KCNC3: variants seen among roughly 807,000 people sequenced by gnomAD.
KCNC3 encodes the protein voltage-gated potassium channel KCNC3.
KCNC3 carries 22 observed loss-of-function variants against 43.9 expected under a neutral mutation model. The observed-to-expected ratio is 0.50, with a 90% CI of 0.36 to 0.72. The LOEUF (loss-of-function observed/expected upper bound fraction) is 0.72, where lower values mean the gene tolerates loss of function less well. Ranked by LOEUF, KCNC3 falls within the 30% of genes least tolerant of loss-of-function variation. The pLI is 0.00. For synonymous variants in KCNC3, 492 were observed against 488.0 expected (o/e 1.01, Z -0.11); for missense variants, 829 against 1,073.8 (o/e 0.77, Z 3.19).
rs1568574175 is a variant in KCNC3, at chr19:50,329,126, GA to G, written c.-45del. Reference sequence around the variant, plus strand: ...GGAGGGGCGGGGACGCAGGGGCGGGGACACGGGGGGAGAGACCGACGGGATT... The same window carrying G: ...GGAGGGGCGGGGACGCAGGGGCGGGGCACGGGGGGAGAGACCGACGGGATT... On this transcript the variant is annotated 5_prime_UTR_variant, in exon 1 of 5. Transcript: ENST00000477616. 6.9e-6 allele frequency: 1 copy of G among 143,942 alleles called. No homozygotes were observed. 8.9% of individuals were successfully genotyped at this position (143,942 alleles called of 1,614,324 possible).
intron 4 of KCNC3, among the ~76,000 whole-genome samples, chr19:50,316,929 A>G (rs1288963986): frequency 1.3e-5 from 2 of 151,884 alleles, no homozygotes; most frequent in Non-Finnish European, 2.9e-5. Context: ...GCTTCAGCCA[A>G]CCCCATCAGC....
chr19:50,320,849 G>T, intron 2 of KCNC3, 65 bp from the exon 3 acceptor site: 1 of 1,501,222 alleles, frequency 6.7e-7, no homozygotes, highest in East Asian at 2.3e-5. Flanking sequence ...ACACGCGGTG[G>T]GGCAAGATGT....
intron 4 of KCNC3, among the ~76,000 whole-genome samples, chr19:50,318,154 C>CTTT (rs1425447442): frequency 6.6e-6 from 1 of 151,042 alleles, no homozygotes; most frequent in African/African-American, 2.5e-5. Flanking sequence ...ATCTTAATTG[C>CTTT]TTCTTTTCTT....
intron 2 of KCNC3, among the ~76,000 whole-genome samples, chr19:50,321,363 C>G (rs2037031829): frequency 6.6e-6 from 1 of 152,186 alleles, no homozygotes; most frequent in East Asian, 1.9e-4. Flanking sequence ...AGCTACTCTG[C>G]AGGCTGAGGC....
In KCNC3 at chr19:50,323,761, G is replaced by A. The variant is rs1845396982; in HGVS notation, c.1192C>T (p.Leu398Phe). Reference sequence around the variant, plus strand: ...GCGGCCTTGGAGCTGAGGCCCGAGAGGCCCACCTCGAGATAGAAGGGCAGG... The same window carrying A: ...GCGGCCTTGGAGCTGAGGCCCGAGAAGCCCACCTCGAGATAGAAGGGCAGG... ...AILPFYLEVG[L>F]SGLSSKAAKD... Residue 398 changes from leucine to phenylalanine, a missense_variant, in exon 2 of 5, where the codon CTC (leucine) becomes TTC (phenylalanine). By Grantham distance (22) the Leu-to-Phe change is conservative. This residue lies in a region of KCNC3 where 157 missense variants were observed against 293.5 expected (regional missense o/e 0.53). Coordinates refer to ENST00000477616, the MANE Select transcript of KCNC3 (RefSeq NM_004977.3). The A allele has an allele frequency of 6.2e-7, 1 of 1,614,216 alleles. No individual in the cohort carries two copies. The highest frequency in any genetic ancestry group is 1.7e-5 in the Admixed American group (1 of 60,032).
chr19:50,317,026 C>G (rs1458413987), intron 4 of KCNC3, among the ~76,000 whole-genome samples: 3 of 151,578 alleles, frequency 2.0e-5, no homozygotes, highest in Non-Finnish European at 4.4e-5. Flanking sequence ...ACCCCCACCC[C>G]AATCCTCCCT....
At position 50,323,995 on chromosome 19, in the gene KCNC3, T is replaced by C; in HGVS notation, c.958A>G (p.Asn320Asp). 6.2e-7 allele frequency: 1 copy of C among 1,612,616 alleles called. No homozygotes were observed. Among genetic ancestry groups the C allele is most frequent in the Non-Finnish European group, 8.5e-7 (1 of 1,178,746 alleles). ...GGGGAGGCCTGGGTCACCGTCTTGTTGCTAATATGGATGAAGCCCTCATGG... is the reference window on the plus strand; with the variant it reads ...GGGGAGGCCTGGGTCACCGTCTTGTCGCTAATATGGATGAAGCCCTCATGG... ...ETHEGFIHISNKTVTQASPIP... is the reference protein window; with the variant it reads ...ETHEGFIHISDKTVTQASPIP... The change falls in exon 2 of 5, where the codon AAC becomes GAC. Residue 320 changes from asparagine (N) to aspartate (D), a missense_variant. Transcript: ENST00000477616.
Position 50,313,366 on chromosome 19 carries a change from C to G in KCNC3, c.*2749G>C, listed in dbSNP as rs2036905061. 1 of 152,210 alleles carries G rather than the reference C, an allele frequency of 6.6e-6. No homozygotes were observed. Among genetic ancestry groups the G allele is most frequent in the African/African-American group, 2.4e-5 (1 of 41,448 alleles). 9.4% of individuals were successfully genotyped at this position (152,210 alleles called of 1,614,324 possible). ...ACTCTTAACCTAAATAAACCGTGTCCTAGCCAAGCAGCGATGCCTGCACTT... is the reference window on the plus strand; with the variant it reads ...ACTCTTAACCTAAATAAACCGTGTCGTAGCCAAGCAGCGATGCCTGCACTT... On this transcript the variant is annotated 3_prime_UTR_variant, in exon 5 of 5. Transcript: ENST00000477616.
intron 4 of KCNC3, among the ~76,000 whole-genome samples, chr19:50,317,806 C>A (rs908424527): frequency 2.6e-5 from 4 of 152,182 alleles, no homozygotes; most frequent in African/African-American, 4.8e-5. Context: ...AACTCCTTTT[C>A]TTCCCCCAGA....
chr19:50,320,272 T>C lies in KCNC3; in HGVS notation c.2248A>G (p.Asn750Asp). The C allele has an allele frequency of 2.2e-6, 2 of 915,388 alleles. No homozygotes were observed. The highest frequency in any genetic ancestry group is 2.9e-6 in the Non-Finnish European group (2 of 695,816). The allele number at this position is 915,388 out of a possible 1,614,324, so 56.7% of individuals were successfully genotyped here. Residue 750 changes from asparagine (N) to aspartate (D), a missense_variant, in exon 4 of 5, where the codon AAC becomes GAC. Physicochemically the swap from Asn to Asp is conservative, Grantham distance 23. Around this residue, in one of 7 missense-constraint regions of KCNC3, gnomAD observed 308 missense variants for 276.2 expected, o/e 1.11. Transcript: ENST00000477616. ...TAGGGGGATATCCAGGCCGCGGCGT[T>C]GGCGTTGAGGTCGGGCAAGAAGCTT... ...PPSFLPDLNA[N>D]AAAWISP is the part of the protein sequence containing the mutation.
chr19:50,316,241 A>C, intron 4 of KCNC3, 150 bp from the exon 5 acceptor site: 9 of 171,440 alleles, frequency 5.2e-5, no homozygotes, highest in Middle Eastern at 2.3e-3. Context: ...GAGCAGTGAA[A>C]TGGGGGGCGG....
rs1427121470 is a variant in KCNC3 at position 50,320,338 on chromosome 19, G to A, written c.2182C>T (p.Pro728Ser). 8.4e-6 allele frequency: 3 copies of A among 358,202 alleles called. No individual in the cohort carries two copies. Among genetic ancestry groups the A allele is most frequent in the African/African-American group, 2.4e-5 (1 of 40,918 alleles). The allele number at this position is 358,202 out of a possible 1,614,324, so 22.2% of individuals were successfully genotyped here. A position where few individuals can be genotyped will look rare whatever the true frequency, so the allele number is the denominator to read the frequency against. ...DGSIRKATGA[P>S]PLPPQDWRKP... ...CGCCAGTCTTGGGGGGGCAGTGGGG[G>A]AGCACCAGTGGCTGGGGGTGGGGGA... is the stretch of plus-strand genomic sequence containing the variant. Residue 728 changes from proline (P) to serine (S), a missense_variant, in exon 4 of 5, where the codon CCC (proline) becomes TCC (serine). Pro to Ser is a moderately conservative substitution (Grantham distance 74). Transcript: ENST00000477616.
chr19:50,328,359 G>A lies in KCNC3; in HGVS notation c.724C>T (p.Leu242Phe). 1 of 1,185,306 alleles carries A rather than the reference G, an allele frequency of 8.4e-7. No individual in the cohort carries two copies. The highest frequency in any genetic ancestry group is 1.0e-6 in the Non-Finnish European group (1 of 960,570). The allele number at this position is 1,185,306 out of a possible 1,614,324, so 73.4% of individuals were successfully genotyped here. ...GCGTCCTGGAAGCAGAGGCGCTTGA[G>A]CTCGCCGCCCGCTCCGTCCAGGCCG... ...GGGLDGAGGE[L>F]KRLCFQDAGG... is the part of the protein sequence containing the mutation. Residue 242 changes from leucine to phenylalanine, a missense_variant, in exon 1 of 5, where the codon CTC (leucine) becomes TTC (phenylalanine). This residue lies in a region of KCNC3 where 60 missense variants were observed against 56.0 expected (regional missense o/e 1.07). Transcript: ENST00000477616.
chr19:50,321,348 G>A (rs930665112), intron 2 of KCNC3, among the ~76,000 whole-genome samples: 2 of 152,100 alleles, frequency 1.3e-5, no homozygotes, highest in African/African-American at 4.8e-5. Context: ...CACGCCTATA[G>A]TCCCAGCTAC....
chr19:50,312,160 A>T lies in KCNC3; in HGVS notation c.*3955T>A, dbSNP rs1166811037. 6.6e-6 allele frequency: 1 copy of T among 152,002 alleles called. No homozygotes were observed. The highest frequency in any genetic ancestry group is 1.5e-5 in the Non-Finnish European group (1 of 67,982). 9.4% of individuals were successfully genotyped at this position (152,002 alleles called of 1,614,324 possible). The stretch of plus-strand genomic sequence containing the variant: ...TGAGAAGACCCGCCATTAGCACCAG[A>T]GTTGGACGATTTGCAGACCTCCCCT... On this transcript the variant is annotated 3_prime_UTR_variant, in exon 5 of 5. Coordinates refer to ENST00000477616, the MANE Select transcript of KCNC3 (RefSeq NM_004977.3).
chr19:50,331,267 G>GC (rs959655093), upstream of KCNC3, among the ~76,000 whole-genome samples: 6 of 73,740 alleles, frequency 8.1e-5, no homozygotes, highest in African/African-American at 2.6e-4. Flanking sequence ...CTCAGTCCCC[G>GC]CCCCCCCACC....
upstream of KCNC3, among the ~76,000 whole-genome samples, chr19:50,331,141 T>C (rs1418232510): frequency 6.8e-6 from 1 of 148,040 alleles, no homozygotes; most frequent in African/African-American, 2.5e-5. Context: ...TTCCCACCCC[T>C]CTGAGTCTCC....
chr19:50,320,503 C>T (rs2123526215), intron 3 of KCNC3, 90 bp downstream of exon 3: 1 of 1,277,784 alleles, frequency 7.8e-7, no homozygotes, highest in Non-Finnish European at 1.1e-6. Flanking sequence ...GGGAAGTCCA[C>T]CGCCTCCTCC....
In KCNC3 at chr19:50,324,916, GAAGAGGAGATAA is replaced by G. The variant is rs2037084055; in HGVS notation, c.871-846_871-835del. Among the ~76,000 whole-genome samples the G allele has an allele frequency of 6.6e-6, 1 of 152,134 alleles. No individual in the cohort carries two copies. Among genetic ancestry groups the G allele is most frequent in the South Asian group, 2.1e-4 (1 of 4,830 alleles). ...TTGAAGGGTTAAGCCTGCAAAAATGGAAGAGGAGATAAAAGAGGAGAGTCAGGCAGGGTTTAG... is the reference window on the plus strand; with the variant it reads ...TTGAAGGGTTAAGCCTGCAAAAATGGAAGAGGAGAGTCAGGCAGGGTTTAG... On this transcript the variant is annotated intron_variant, in intron 1 of 4. Coordinates refer to ENST00000477616, the MANE Select transcript of KCNC3 (RefSeq NM_004977.3). The surrounding 1 kb of genome is among the most constrained non-coding windows in gnomAD (Gnocchi z 4.1).
Sources: gnomAD v4.1 joint callset for allele counts (sites outside exome capture counted in the v4.1 genomes callset) on GRCh38, gnomAD v4.1.1 for gene constraint, gnomAD v4.1.1 regional missense constraint, Gnocchi (gnomAD v3.1) non-coding constraint, MANE v1.5 for transcripts, NCBI Gene and HGNC (gene_info 2026-07-23, HGNC 2026-07-21) for gene names.